AP5Z1: variants seen among roughly 807,000 people sequenced by gnomAD.
AP5Z1 encodes AP-5 complex subunit zeta-1.
In AP5Z1, 106 loss-of-function variants were observed where a neutral mutation model predicts 83.0. That is an observed-to-expected ratio of 1.28 (90% CI 1.09 to 1.50). AP5Z1 has a LOEUF of 1.50. AP5Z1 is among the 40% of genes most tolerant of loss of function. The pLI is 0.00. For missense variants in AP5Z1, 1,565 were observed against 1,094.2 expected (o/e 1.43, Z -6.07); for synonymous variants, 751 against 514.1 (o/e 1.46, Z -6.23).
At position 4,786,433 on chromosome 7, in the gene AP5Z1, A is replaced by G. The variant is rs201200772; in HGVS notation, c.1311+5A>G. ...AGCTTCCCCAACCTCTTTAAGGTAT[A>G]TTTGGGCATCCCTGGGTGCCAGGGC... On this transcript the variant is annotated splice_donor_5th_base_variant and intron_variant, in intron 10 of 16. Coordinates refer to ENST00000649063, the MANE Select transcript of AP5Z1 (RefSeq NM_014855.3). 2 of 1,613,386 alleles carry G rather than the reference A, an allele frequency of 1.2e-6. No homozygotes were observed. The highest frequency in any genetic ancestry group is 1.7e-5 in the Admixed American group (1 of 60,006).
intron 1 of AP5Z1, among the ~76,000 whole-genome samples, chr7:4,776,562 C>CAAAAAAAAAA (rs55916241): frequency 1.2e-5 from 1 of 82,414 alleles, no homozygotes. Context: ...ACTGAAAATA[C>CAAAAAAAAAA]AAAAAAAAAA....
rs1324295315 is a variant in AP5Z1 at position 4,784,436 on chromosome 7, AGGGGGACACGGGCGGAGGTG to A, written c.790+73_790+92del. 10 of 1,501,732 alleles carry A rather than the reference AGGGGGACACGGGCGGAGGTG, an allele frequency of 6.7e-6. No homozygotes were observed. In the East Asian group the frequency reaches 1.7e-4, roughly 25 times the overall value. 93.0% of individuals were successfully genotyped at this position (1,501,732 alleles called of 1,614,324 possible). A position where few individuals can be genotyped will look rare whatever the true frequency, so the allele number is the denominator to read the frequency against. On this transcript the variant is annotated intron_variant, in intron 6 of 16. Coordinates refer to ENST00000649063, the MANE Select transcript of AP5Z1 (RefSeq NM_014855.3). ...GGTGGGCGCACTATGGGTTGGTCGC[AGGGGGACACGGGCGGAGGTG>A]GGGGGACTCGGGTGTGCCCAGGATG...
At chr7:4,780,131 C>A (rs1410271935) in intron 1 of AP5Z1, among the ~76,000 whole-genome samples, 2 of 152,050 alleles carry the variant, frequency 1.3e-5, no homozygotes, top group East Asian at 3.9e-4. Flanking sequence ...GCACAGCAAC[C>A]CCTTTGCGCA....
chr7:4,787,958 C>T (rs1258253233), intron 11 of AP5Z1, among the ~76,000 whole-genome samples, 182 bp downstream of exon 11: 5 of 152,158 alleles, frequency 3.3e-5, no homozygotes, highest in African/African-American at 7.2e-5. Flanking sequence ...CCCTTGGCCA[C>T]TTGCCAAGGG....
intron 1 of AP5Z1, among the ~76,000 whole-genome samples, chr7:4,778,595 A>T (rs1215624474): frequency 6.6e-6 from 1 of 151,882 alleles, no homozygotes; most frequent in African/African-American, 2.4e-5. Context: ...GGAGCTGTTG[A>T]AGGGTTTGGG....
rs775955947 is a variant in AP5Z1 at position 4,791,099 on chromosome 7, G to GA, written c.2154-15dup. ...GGGGAGCATCTGCAGCTGACGGAGG[G>GA]ACCTTCTTTCCCCAGGGCCTCTTTA... On this transcript the variant is annotated splice_polypyrimidine_tract_variant and intron_variant, in intron 16 of 16. Transcript: ENST00000649063. 21 of 1,563,852 alleles carry GA rather than the reference G, an allele frequency of 1.3e-5. No individual in the cohort carries two copies. The highest frequency in any genetic ancestry group is 2.7e-5 in the African/African-American group (2 of 74,030).
At chr7:4,783,668 A>G (rs372609339) in intron 4 of AP5Z1, 21 bp from the exon 5 acceptor site, 20 of 1,544,966 alleles carry the variant, frequency 1.3e-5, no homozygotes, top group Non-Finnish European at 1.7e-5. Context: ...TCACCTCCCC[A>G]TGCCACCCCA....
At chr7:4,790,278 C>T (rs766689087) in intron 14 of AP5Z1, 181 bp from the exon 15 acceptor site, 3 of 1,544,002 alleles carry the variant, frequency 1.9e-6, no homozygotes, top group Non-Finnish European at 1.7e-6. Flanking sequence ...GCGCTGGTGC[C>T]AGCCTTCTCC....
chr7:4,783,805 C>G lies in AP5Z1; in HGVS notation c.621+7C>G, dbSNP rs1258960340. On this transcript the variant is annotated splice_region_variant and intron_variant, in intron 5 of 16. Coordinates refer to ENST00000649063, the MANE Select transcript of AP5Z1 (RefSeq NM_014855.3). ...CACGCCCAGGGCCCGGCAGGTGAGG[C>G]TGGGACTGTTCTGGAACCATGGGGA... 3 of 1,546,018 alleles carry G rather than the reference C, an allele frequency of 1.9e-6. No individual in the cohort carries two copies. The highest frequency in any genetic ancestry group is 2.4e-5 in the East Asian group (1 of 40,906).
In AP5Z1 at chr7:4,793,891, T is replaced by G. The variant is rs1353915551; in HGVS notation, c.*2506T>G. The G allele has an allele frequency of 6.6e-6, 1 of 152,630 alleles. No homozygotes were observed. Among genetic ancestry groups the G allele is most frequent in the African/African-American group, 2.4e-5 (1 of 41,488 alleles). 9.5% of individuals were successfully genotyped at this position (152,630 alleles called of 1,614,324 possible). A position where few individuals can be genotyped will look rare whatever the true frequency, so the allele number is the denominator to read the frequency against. On this transcript the variant is annotated 3_prime_UTR_variant, in exon 17 of 17. Coordinates refer to ENST00000649063, the MANE Select transcript of AP5Z1 (RefSeq NM_014855.3). ...GTGCCTTTGGAGCAGGGCACGGGACTGGCAGGCAGCTCTACCTGCAGCCCC... is the reference window on the plus strand; with the variant it reads ...GTGCCTTTGGAGCAGGGCACGGGACGGGCAGGCAGCTCTACCTGCAGCCCC...
chr7:4,779,898 C>T (rs1450218742), intron 1 of AP5Z1, among the ~76,000 whole-genome samples: 3 of 152,252 alleles, frequency 2.0e-5, no homozygotes, highest in Non-Finnish European at 4.4e-5. Context: ...CCGCCTCGGC[C>T]TCCCAAAATG....
intron 1 of AP5Z1, among the ~76,000 whole-genome samples, chr7:4,779,419 A>G (rs1225754203): frequency 7.3e-6 from 1 of 137,524 alleles, no homozygotes; most frequent in Non-Finnish European, 1.6e-5. Context: ...ACATGATAAC[A>G]TATATATCAT....
In AP5Z1 at chr7:4,781,202, G is replaced by A; in HGVS notation, c.69G>A (p.Lys23=). ...AGATCCAGGACGAGGAGCTGAAGAA[G>A]TTCTGTTCCCGGATCTGTAAACTGC... ...AREIQDEELK[K]FCSRICKLLQ... Residue 23 remains lysine (K), a synonymous_variant, in exon 2 of 17, where the codon AAG becomes AAA. Transcript: ENST00000649063. The A allele has an allele frequency of 6.2e-7, 1 of 1,613,700 alleles. No individual in the cohort carries two copies. Among genetic ancestry groups the A allele is most frequent in the Non-Finnish European group, 8.5e-7 (1 of 1,179,570 alleles).
chr7:4,784,706 G>A (rs1781484412), intron 6 of AP5Z1, among the ~76,000 whole-genome samples: 1 of 152,200 alleles, frequency 6.6e-6, no homozygotes, highest in Admixed American at 6.5e-5. Flanking sequence ...TGGACTTGTT[G>A]GGGAAGAAGC....
chr7:4,791,182 G>C lies in AP5Z1; in HGVS notation c.2221G>C (p.Glu741Gln). ...HSPATSSTHS[E>Q]EGAEAIRTRA... ...TCCAGCCACCAGCTCCACGCACAGC[G>C]AGGAGGGCGCGGAAGCCATCCGTAC... The change falls in exon 17 of 17, where the codon GAG becomes CAG. Residue 741 changes from glutamate (E) to glutamine (Q), a missense_variant. Glu to Gln is a conservative substitution (Grantham distance 29). Transcript: ENST00000649063. 1.2e-6 allele frequency: 2 copies of C among 1,612,342 alleles called. No homozygotes were observed. Among genetic ancestry groups the C allele is most frequent in the Middle Eastern group, 1.7e-4 (1 of 6,058 alleles).
chr7:4,787,849 T>C lies in AP5Z1; in HGVS notation c.1454+73T>C, dbSNP rs59441267. 138,881 of 1,466,522 alleles carry C rather than the reference T, an allele frequency of 0.095. 7,607 individuals are homozygous for C. Among genetic ancestry groups the C allele is most frequent in the South Asian group, 0.2 (15,207 of 74,612 alleles). The allele number at this position is 1,466,522 out of a possible 1,614,324, so 90.8% of individuals were successfully genotyped here. A position where few individuals can be genotyped will look rare whatever the true frequency, so the allele number is the denominator to read the frequency against. ...TCCACACACTGGGCCCCCTCCTCGC[T>C]GCTCCTGACCCCTACACCGGGGACC... On this transcript the variant is annotated intron_variant, in intron 11 of 16. Coordinates refer to ENST00000649063, the MANE Select transcript of AP5Z1 (RefSeq NM_014855.3).
In AP5Z1 at chr7:4,784,917, C is replaced by CA. The variant is rs1562407545; in HGVS notation, c.801dup (p.Glu268ArgfsTer39). ...TTCCCACCTCCCGCAGATGACAGGT[C>CA]AGAGCAGGAGGGCTCCACTCTGTCG... On this transcript the variant is annotated frameshift_variant, in exon 7 of 17. Transcript: ENST00000649063. LOFTEE classifies it high-confidence loss of function. 1.2e-6 allele frequency: 2 copies of CA among 1,610,890 alleles called. No homozygotes were observed. The highest frequency in any genetic ancestry group is 2.2e-5 in the South Asian group (2 of 90,856).
intron 1 of AP5Z1, among the ~76,000 whole-genome samples, chr7:4,778,958 G>A (rs1042488683): frequency 6.8e-5 from 10 of 146,782 alleles, no homozygotes; most frequent in South Asian, 2.1e-4. Flanking sequence ...GCTTGAGCTA[G>A]AAGATCAGGC....
Position 4,783,795 on chromosome 7 carries a change from G to A in AP5Z1, c.618G>A (p.Arg206=). The A allele has an allele frequency of 6.5e-7, 1 of 1,547,598 alleles. No individual in the cohort carries two copies. The highest frequency in any genetic ancestry group is 8.7e-7 in the Non-Finnish European group (1 of 1,146,900). ...GCTTCTTCTCCACGCCCAGGGCCCG[G>A]CAGGTGAGGCTGGGACTGTTCTGGA... ...SGGFFSTPRA[R]QPGPVTEVDG... is the part of the protein sequence containing the mutation. The change falls in exon 5 of 17, where the codon CGG becomes CGA. Residue 206 remains arginine (R), a synonymous_variant. Transcript: ENST00000649063.
Sources: allele counts gnomAD v4.1 joint callset (sites outside exome capture counted in the v4.1 genomes callset), GRCh38; gene constraint gnomAD v4.1.1; transcripts MANE v1.5; gene names NCBI Gene and HGNC (gene_info 2026-07-23, HGNC 2026-07-21).